The following SRPK2 variants were observed in gnomAD, a reference collection of about 807,000 sequenced individuals.
SRPK2 encodes the protein SRSF protein kinase 2.
A neutral mutation model predicts 90.8 loss-of-function variants in SRPK2; 21 were observed. The ratio of observed to expected loss-of-function variants is 0.23; its 90% confidence interval spans 0.16 to 0.33. The LOEUF (loss-of-function observed/expected upper bound fraction) is 0.33, where lower values mean the gene tolerates loss of function less well. Ranked by LOEUF, SRPK2 falls within the 10% of genes least tolerant of loss-of-function variation. The pLI, the probability that SRPK2 is intolerant of heterozygous loss-of-function variation, is 1.00. For missense variants in SRPK2, 620 were observed against 869.0 expected (o/e 0.71, Z 3.60); for synonymous variants, 288 against 311.1 (o/e 0.93, Z 0.78).
intron 11 of SRPK2, among the ~76,000 whole-genome samples, chr7:105,134,524 G>A (rs1300107270): frequency 6.6e-6 from 1 of 152,234 alleles, no homozygotes; most frequent in Non-Finnish European, 1.5e-5. Context: ...TGTGAGAACA[G>A]ACTAATATAA....
intron 2 of SRPK2, among the ~76,000 whole-genome samples, chr7:105,291,539 G>A (rs1809019730): frequency 6.6e-6 from 1 of 152,052 alleles, no homozygotes; most frequent in African/African-American, 2.4e-5. Context: ...GACCAGCCTG[G>A]CCAATATGGT....
intron 2 of SRPK2, among the ~76,000 whole-genome samples, chr7:105,283,022 G>C (rs1014916686): frequency 5.9e-5 from 9 of 152,114 alleles, no homozygotes; most frequent in Admixed American, 1.3e-4. Flanking sequence ...AAAACAAGTA[G>C]CTAATAAGCA....
intron 2 of SRPK2, among the ~76,000 whole-genome samples, chr7:105,370,603 A>ATTTTTTT (rs1018720050): frequency 6.8e-6 from 1 of 146,336 alleles, no homozygotes; most frequent in Non-Finnish European, 1.5e-5. Flanking sequence ...TTTTTAATTA[A>ATTTTTTT]TTTTTTTTCT....
chr7:105,142,574 T>C (rs1803952326), intron 10 of SRPK2, 84 bp from the exon 11 acceptor site: 1 of 1,499,664 alleles, frequency 6.7e-7, no homozygotes, highest in African/African-American at 1.4e-5. Flanking sequence ...ATCAATAAAA[T>C]ACATTTTGAA....
At chr7:105,352,112 TC>T (rs1041458978) in intron 2 of SRPK2, among the ~76,000 whole-genome samples, 5 of 152,114 alleles carry the variant, frequency 3.3e-5, no homozygotes, top group Admixed American at 3.3e-4. Flanking sequence ...GGGTCTAGAA[TC>T]CCCGTCTTTT....
intron 2 of SRPK2, among the ~76,000 whole-genome samples, chr7:105,218,637 C>T (rs1028612690): frequency 6.6e-6 from 1 of 152,168 alleles, no homozygotes; most frequent in African/African-American, 2.4e-5. Flanking sequence ...ATGATGTTTC[C>T]TAAGAAGTTA....
At chr7:105,248,260 T>C (rs1316796610) in intron 2 of SRPK2, among the ~76,000 whole-genome samples, 1 of 152,074 alleles carries the variant, frequency 6.6e-6, no homozygotes, top group South Asian at 2.1e-4. Flanking sequence ...TAAACACCAG[T>C]ATCCTAGCCT....
At chr7:105,325,577 A>G (rs1813480586) in intron 2 of SRPK2, among the ~76,000 whole-genome samples, 3 of 146,396 alleles carry the variant, frequency 2.0e-5, no homozygotes, top group Non-Finnish European at 3.0e-5. Context: ...AAAAAGTTCA[A>G]CTGGATACAG....
At chr7:105,370,028 A>AACAAC (rs1819522680) in intron 2 of SRPK2, among the ~76,000 whole-genome samples, 1 of 150,142 alleles carries the variant, frequency 6.7e-6, no homozygotes, top group Admixed American at 6.7e-5. Flanking sequence ...ACTCCATCTC[A>AACAAC]AACAACAACA....
intron 2 of SRPK2, among the ~76,000 whole-genome samples, chr7:105,325,306 G>A (rs1813429836): frequency 1.3e-5 from 2 of 152,034 alleles, no homozygotes; most frequent in Non-Finnish European, 2.9e-5. Context: ...TCTTTAACAA[G>A]GTGTCACAAG....
At chr7:105,362,860 G>T (rs1477451978) in intron 2 of SRPK2, among the ~76,000 whole-genome samples, 3 of 152,170 alleles carry the variant, frequency 2.0e-5, no homozygotes, top group Non-Finnish European at 4.4e-5. Context: ...GGAATACTAT[G>T]CAGCCATAAA....
At chr7:105,261,149 T>C (rs1585414050) in intron 2 of SRPK2, among the ~76,000 whole-genome samples, 1 of 151,972 alleles carries the variant, frequency 6.6e-6, no homozygotes, top group African/African-American at 2.4e-5. Context: ...GGCACAGAGA[T>C]GGAAAGTGTC....
At chr7:105,187,488 C>T (rs1793737364) in intron 3 of SRPK2, among the ~76,000 whole-genome samples, 1 of 152,216 alleles carries the variant, frequency 6.6e-6, no homozygotes, top group Non-Finnish European at 1.5e-5. Flanking sequence ...TCATCACTGG[C>T]CCCACACATG....
At chr7:105,159,111 T>G (rs1807024076) in intron 7 of SRPK2, among the ~76,000 whole-genome samples, 1 of 152,094 alleles carries the variant, frequency 6.6e-6, no homozygotes, top group Non-Finnish European at 1.5e-5. Context: ...TCAACTGATA[T>G]AGAAGACAAT....
intron 2 of SRPK2, among the ~76,000 whole-genome samples, chr7:105,286,458 G>A (rs1024799248): frequency 7.2e-5 from 11 of 151,984 alleles, no homozygotes; most frequent in South Asian, 2.1e-4. Context: ...ATATTTGACC[G>A]TAGTTTATGA....
chr7:105,258,980 A>G (rs1803786627), intron 2 of SRPK2, among the ~76,000 whole-genome samples: 1 of 152,212 alleles, frequency 6.6e-6, no homozygotes, highest in South Asian at 2.1e-4. Context: ...CTGGCACAAG[A>G]CAGGGATGCC....
chr7:105,374,428 G>T (rs985826697), intron 2 of SRPK2, among the ~76,000 whole-genome samples: 2 of 152,074 alleles, frequency 1.3e-5, no homozygotes, highest in Non-Finnish European at 2.9e-5. Flanking sequence ...ATTTCCATTT[G>T]CAGGATTCCA....
chr7:105,268,787 G>C, intron 2 of SRPK2: 1 of 1,589,126 alleles, frequency 6.3e-7, no homozygotes, highest in Non-Finnish European at 8.6e-7. Context: ...AATTGTTCAT[G>C]CAAGAGATGT....
chr7:105,118,824 T>C (rs878886954), intron 15 of SRPK2, among the ~76,000 whole-genome samples: 4 of 152,008 alleles, frequency 2.6e-5, no homozygotes, highest in Non-Finnish European at 4.4e-5. Context: ...GGCAGGAGCA[T>C]TGCTTGAGTC....
Sources: allele counts gnomAD v4.1 joint callset (sites outside exome capture counted in the v4.1 genomes callset), GRCh38; gene constraint gnomAD v4.1.1; transcripts MANE v1.5; gene names NCBI Gene and HGNC (gene_info 2026-07-23, HGNC 2026-07-21).